Variants in CLPB observed in about 807,000 individuals in gnomAD.
CLPB encodes the protein ClpB family mitochondrial disaggregase.
A neutral mutation model predicts 78.4 loss-of-function variants in CLPB; 40 were observed. The ratio of observed to expected loss-of-function variants is 0.51; its 90% CI spans 0.40 to 0.66. CLPB has a LOEUF of 0.66. Among genes scored for constraint, CLPB ranks in the 30% least tolerant of loss-of-function variants. The pLI is 0.00. For missense variants in CLPB, 780 were observed against 886.9 expected (o/e 0.88, Z 1.53); for synonymous variants, 333 against 348.0 (o/e 0.96, Z 0.48).
intron 5 of CLPB, chr11:72,354,527 C>A (rs745438170): frequency 7.3e-5 from 28 of 382,724 alleles, no homozygotes; most frequent in Non-Finnish European, 1.2e-4. Context: ...CATCTTCAGG[C>A]ACTTGAAGTA....
chr11:72,360,857 A>C (rs1469473928), intron 4 of CLPB, among the ~76,000 whole-genome samples: 1 of 152,184 alleles, frequency 6.6e-6, no homozygotes, highest in African/African-American at 2.4e-5. Flanking sequence ...CATTTTATAG[A>C]TGAGGAAACT....
chr11:72,396,490 T>C (rs1855411181), intron 3 of CLPB, among the ~76,000 whole-genome samples: 1 of 152,104 alleles, frequency 6.6e-6, no homozygotes, highest in Non-Finnish European at 1.5e-5. Context: ...CCTCACTATA[T>C]AGGTGGTGTC....
At position 72,285,641 on chromosome 11, in the gene CLPB, T is replaced by C. The variant is rs889298651; in HGVS notation, c.*7726A>G. The C allele has an allele frequency of 1.3e-5, 2 of 152,190 alleles. No homozygotes were observed. Among genetic ancestry groups the C allele is most frequent in the African/African-American group, 2.4e-5 (1 of 41,452 alleles). 9.4% of individuals were successfully genotyped at this position (152,190 alleles called of 1,614,324 possible). ...CCTTCAATATGGTTTTCTTGTTAAA[T>C]TTATTAAGTATAATTTTGAACAGGT... On this transcript the variant is annotated 3_prime_UTR_variant, in exon 16 of 16. Transcript: ENST00000538039.
At chr11:72,370,036 C>G (rs1032288252) in intron 4 of CLPB, among the ~76,000 whole-genome samples, 1 of 152,180 alleles carries the variant, frequency 6.6e-6, no homozygotes. Flanking sequence ...GGAGCCTCAG[C>G]CCCTATCAAT....
chr11:72,431,561 C>G (rs768521262), intron 1 of CLPB, among the ~76,000 whole-genome samples: 14 of 152,208 alleles, frequency 9.2e-5, no homozygotes, highest in Non-Finnish European at 1.9e-4. Context: ...ACATTGATGC[C>G]TCCTGGCCTA....
chr11:72,389,348 G>T (rs935028591), intron 3 of CLPB, among the ~76,000 whole-genome samples: 1 of 152,196 alleles, frequency 6.6e-6, no homozygotes, highest in African/African-American at 2.4e-5. Flanking sequence ...TGCTACTGGA[G>T]CTGATCCATT....
intron 5 of CLPB, among the ~76,000 whole-genome samples, chr11:72,332,209 A>C (rs2135554313): frequency 6.6e-6 from 1 of 152,154 alleles, no homozygotes; most frequent in East Asian, 1.9e-4. Flanking sequence ...AAGGCCGGGC[A>C]CAGTGGTTCA....
rs142622101 is a variant in CLPB, at chr11:72,321,477, C to T, written c.874-4257G>A. Among the ~76,000 whole-genome samples the T allele has an allele frequency of 2.2e-3, 336 of 152,350 alleles. 1 individual carries two copies. Among genetic ancestry groups the T allele is most frequent in the African/African-American group, 7.7e-3 (321 of 41,586 alleles). On this transcript the variant is annotated intron_variant, in intron 6 of 15. Transcript: ENST00000538039. ...TCAGTCTTGATTTAATATGGCACCC[C>T]TCCTGGCTGTGAGTGCATTTACAGG... is the stretch of plus-strand genomic sequence containing the variant.
chr11:72,306,888 C>T (rs1486915160), intron 9 of CLPB, among the ~76,000 whole-genome samples: 1 of 152,210 alleles, frequency 6.6e-6, no homozygotes, highest in Non-Finnish European at 1.5e-5. Context: ...AGTACAACAC[C>T]TGGCATGGCA....
chr11:72,409,675 G>A (rs564599032), intron 2 of CLPB, among the ~76,000 whole-genome samples: 14 of 152,016 alleles, frequency 9.2e-5, no homozygotes, highest in South Asian at 4.2e-4. Context: ...CAAAGATCTC[G>A]TTTCAAATCC....
intron 9 of CLPB, 86 bp from the exon 10 acceptor site, chr11:72,302,434 C>T (rs1253883301): frequency 1.7e-6 from 2 of 1,151,062 alleles, no homozygotes; most frequent in African/African-American, 1.5e-5. Flanking sequence ...TCAACTATCC[C>T]CAAGGCTTTC....
intron 6 of CLPB, among the ~76,000 whole-genome samples, chr11:72,326,784 G>C (rs1475177333): frequency 6.6e-6 from 1 of 152,204 alleles, no homozygotes; most frequent in African/African-American, 2.4e-5. Flanking sequence ...AAGAAACCAG[G>C]TCTAAAATGG....
chr11:72,404,869 C>G (rs1855660817), intron 2 of CLPB, among the ~76,000 whole-genome samples: 1 of 152,152 alleles, frequency 6.6e-6, no homozygotes, highest in Admixed American at 6.5e-5. Context: ...TGGTGAAGGT[C>G]CCTTACTATA....
At chr11:72,301,672 A>G in intron 11 of CLPB, 131 bp downstream of exon 11, 1 of 1,013,296 alleles carries the variant, frequency 9.9e-7, no homozygotes, top group Non-Finnish European at 1.5e-6. Flanking sequence ...TACTGGATGA[A>G]TGAATGTACA....
At chr11:72,332,440 G>C (rs1950244980) in intron 5 of CLPB, among the ~76,000 whole-genome samples, 1 of 152,136 alleles carries the variant, frequency 6.6e-6, no homozygotes, top group South Asian at 2.1e-4. Flanking sequence ...AGTGAGCTGG[G>C]ATCACGCCAC....
At chr11:72,398,504 C>A (rs941649149) in intron 3 of CLPB, among the ~76,000 whole-genome samples, 29 of 152,120 alleles carry the variant, frequency 1.9e-4, no homozygotes, top group African/African-American at 6.5e-4. Flanking sequence ...GTTGTAACAT[C>A]AAAGTGCCTT....
At chr11:72,365,445 A>C (rs1294155187) in intron 4 of CLPB, among the ~76,000 whole-genome samples, 1 of 152,252 alleles carries the variant, frequency 6.6e-6, no homozygotes, top group Non-Finnish European at 1.5e-5. Flanking sequence ...AGTGACTGAT[A>C]ATGAATACGA....
intron 6 of CLPB, among the ~76,000 whole-genome samples, chr11:72,322,191 C>T (rs538042004): frequency 2.0e-5 from 3 of 152,284 alleles, no homozygotes; most frequent in Non-Finnish European, 4.4e-5. Context: ...CCCCTTCACA[C>T]TTGGTAATCA....
chr11:72,329,387 C>G (rs1335458497), intron 6 of CLPB, among the ~76,000 whole-genome samples: 2 of 152,018 alleles, frequency 1.3e-5, no homozygotes, highest in African/African-American at 4.8e-5. Context: ...TGGCTAGAAC[C>G]CCCTCCTCTG....
Sources: gnomAD v4.1 joint callset for allele counts (sites outside exome capture counted in the v4.1 genomes callset) on GRCh38, gnomAD v4.1.1 for gene constraint, MANE v1.5 for transcripts, NCBI Gene and HGNC (gene_info 2026-07-23, HGNC 2026-07-21) for gene names.